The following RBPJ variants were observed in gnomAD, a reference collection of about 807,000 sequenced individuals.
RBPJ encodes recombination signal binding protein for immunoglobulin kappa J region, also known as recombining binding protein suppressor of hairless.
A neutral mutation model predicts 67.8 loss-of-function variants in RBPJ; 9 were observed. The ratio of observed to expected loss-of-function variants is 0.13; its 90% CI spans 0.08 to 0.23. RBPJ has a LOEUF of 0.23. Among genes scored for constraint, RBPJ ranks in the 10% least tolerant of loss-of-function variants. The pLI, the probability that RBPJ is intolerant of heterozygous loss-of-function variation, is 1.00. For synonymous variants in RBPJ, 198 were observed against 203.3 expected, an observed-to-expected ratio of 0.97 and a Z score of 0.22; for missense variants, 305 against 595.6, an observed-to-expected ratio of 0.51 and a Z score of 5.08.
chr4:26,361,026 A>G (rs577537259), intron 1 of RBPJ, among the ~76,000 whole-genome samples: 2 of 147,104 alleles, frequency 1.4e-5, no homozygotes, highest in East Asian at 2.0e-4. Context: ...GTAGGAAACA[A>G]TGTGATATCC....
upstream of RBPJ, among the ~76,000 whole-genome samples, chr4:26,161,249 A>G (rs986723847): frequency 6.6e-6 from 1 of 152,212 alleles, no homozygotes; most frequent in Admixed American, 6.5e-5. Context: ...TGGGGCAGAA[A>G]TGAGCCATCC....
intron 1 of RBPJ, among the ~76,000 whole-genome samples, chr4:26,184,237 T>TGGTGGACTATTCAA (rs1034226332): frequency 4.7e-5 from 7 of 147,676 alleles, no homozygotes; most frequent in Admixed American, 2.0e-4. Context: ...TAAAGACAAG[T>TGGTGGACTATTCAA]GGTGGACTAT....
At chr4:26,341,135 C>T (rs1725481855) in intron 1 of RBPJ, among the ~76,000 whole-genome samples, 1 of 152,056 alleles carries the variant, frequency 6.6e-6, no homozygotes, top group Non-Finnish European at 1.5e-5. Flanking sequence ...TGCTAAAACC[C>T]AGGGGCTACA....
Position 26,424,056 on chromosome 4 carries a change from TA to T in RBPJ, c.497-282del, listed in dbSNP as rs1735400922. Among the ~76,000 whole-genome samples the T allele has an allele frequency of 6.6e-6, 1 of 152,244 alleles. No individual in the cohort carries two copies. The highest frequency in any genetic ancestry group is 1.5e-5 in the Non-Finnish European group (1 of 68,040). ...AAATTTCTACTGTCTAACATTATTT[TA>T]AAAGTAAGTTTTTCTCTAATAATCA... On this transcript the variant is annotated intron_variant, in intron 5 of 10. Coordinates refer to ENST00000355476, the MANE Select transcript of RBPJ (RefSeq NM_015874.6). This position sits in a 1 kb window ranked among gnomAD's most constrained non-coding sequence, Gnocchi z 5.3.
At chr4:26,250,250 C>CT (rs1374375960) in intron 1 of RBPJ, among the ~76,000 whole-genome samples, 3 of 151,750 alleles carry the variant, frequency 2.0e-5, no homozygotes, top group African/African-American at 4.8e-5. Flanking sequence ...AACATTTGCC[C>CT]TTTTGTCTCT....
chr4:26,225,017 G>T (rs928282781), intron 1 of RBPJ, among the ~76,000 whole-genome samples: 1 of 152,194 alleles, frequency 6.6e-6, no homozygotes, highest in African/African-American at 2.4e-5. Context: ...AACCAGGGAG[G>T]CATAGAGCAA....
At chr4:26,387,572 C>T (rs766743073) in intron 2 of RBPJ, among the ~76,000 whole-genome samples, 9 of 152,054 alleles carry the variant, frequency 5.9e-5, no homozygotes, top group Non-Finnish European at 1.2e-4. Context: ...ATAAGTGATT[C>T]CTGAGAAACT....
At chr4:26,233,198 A>G (rs1719345388) in intron 1 of RBPJ, among the ~76,000 whole-genome samples, 1 of 152,230 alleles carries the variant, frequency 6.6e-6, no homozygotes, top group South Asian at 2.1e-4. Flanking sequence ...TCATTCATGA[A>G]TACATTTGAT....
intron 1 of RBPJ, among the ~76,000 whole-genome samples, chr4:26,240,489 A>G (rs1211871907): frequency 6.6e-6 from 1 of 152,202 alleles, no homozygotes; most frequent in Non-Finnish European, 1.5e-5. Flanking sequence ...ACAAAGTGCC[A>G]GATGTAGGAT....
chr4:26,321,047 G>C lies in RBPJ; in HGVS notation c.19G>C (p.Gly7Arg). 6.2e-7 allele frequency: 1 copy of C among 1,610,744 alleles called. No homozygotes were observed. The highest frequency in any genetic ancestry group is 8.5e-7 in the Non-Finnish European group (1 of 1,177,220). The change falls in exon 1 of 11, where the codon GGG (glycine) becomes CGG (arginine). Residue 7 changes from glycine (G) to arginine (R), a missense_variant and splice_region_variant. By Grantham distance (125) the Gly-to-Arg change is moderately radical. Transcript: ENST00000355476. ...GTGGAAGATGGCGCCTGTTGTGACA[G>C]GGTAAGTCTGAGGGAATCGGAGCGC... MAPVVT[G>R]KFGERPPPKR... is the part of the protein sequence containing the mutation.
chr4:26,305,771 C>CTTTTTTTTTTTTTTTTTTTT lies in RBPJ; in HGVS notation c.-166-56671_-166-56652dup, dbSNP rs71276617. Among the ~76,000 whole-genome samples the CTTTTTTTTTTTTTTTTTTTT allele has an allele frequency of 8.9e-5, 6 of 67,758 alleles. 1 individual carries two copies. Among genetic ancestry groups the CTTTTTTTTTTTTTTTTTTTT allele is most frequent in the East Asian group, 6.1e-4 (1 of 1,646 alleles). 44.5% of individuals were successfully genotyped at this position (67,758 alleles called of 152,430 possible). On this transcript the variant is annotated intron_variant, in intron 1 of 4. Coordinates refer to the RBPJ transcript ENST00000512351. ...AGTGGAGTTCTTAGAATTTTCTTTT[C>CTTTTTTTTTTTTTTTTTTTT]TTTTTTTTTTTTTTTTTTTTTTTCT...
At chr4:26,339,836 A>T (rs1047731256) in intron 1 of RBPJ, among the ~76,000 whole-genome samples, 1 of 152,200 alleles carries the variant, frequency 6.6e-6, no homozygotes, top group African/African-American at 2.4e-5. Context: ...CCTGGCCAAC[A>T]TGGTGAAACC....
intron 1 of RBPJ, among the ~76,000 whole-genome samples, chr4:26,265,880 T>G (rs1720689106): frequency 6.6e-6 from 1 of 151,894 alleles, no homozygotes; most frequent in African/African-American, 2.4e-5. Context: ...CTACTAAAAA[T>G]ACAAAAATTA....
At chr4:26,275,551 G>GA (rs1721051196) in intron 1 of RBPJ, among the ~76,000 whole-genome samples, 1 of 152,214 alleles carries the variant, frequency 6.6e-6, no homozygotes, top group Non-Finnish European at 1.5e-5. Flanking sequence ...AGTCGCCGGA[G>GA]AAAAACCATC....
chr4:26,380,942 T>C (rs977431131), intron 1 of RBPJ, among the ~76,000 whole-genome samples: 1 of 151,338 alleles, frequency 6.6e-6, no homozygotes, highest in Non-Finnish European at 1.5e-5. Context: ...AGCTTGTTTT[T>C]TCAGCCAGCT....
chr4:26,124,029 T>C, the RBPJ span, among the ~76,000 whole-genome samples: 1 of 152,206 alleles, frequency 6.6e-6, no homozygotes, highest in East Asian at 1.9e-4. Flanking sequence ...TCATGTTTTA[T>C]GTACTGTACA....
chr4:26,294,063 G>GTTGTTTTTGTTT (rs145910389), intron 1 of RBPJ, among the ~76,000 whole-genome samples: 12 of 147,598 alleles, frequency 8.1e-5, no homozygotes, highest in Non-Finnish European at 1.3e-4. Flanking sequence ...CGGCCAGGAA[G>GTTGTTTTTGTTT]TTGTTTTTGT....
chr4:26,268,579 G>C (rs1223058523), intron 1 of RBPJ, among the ~76,000 whole-genome samples: 2 of 152,030 alleles, frequency 1.3e-5, no homozygotes, highest in African/African-American at 4.8e-5. Context: ...CGCATTATTT[G>C]CTCCTTCAGC....
intron 1 of RBPJ, among the ~76,000 whole-genome samples, chr4:26,182,321 A>G (rs1292740209): frequency 7.9e-5 from 12 of 152,170 alleles, no homozygotes; most frequent in South Asian, 4.2e-4. Flanking sequence ...CAGCCTGGGC[A>G]AAAGAGCAAG....
Sources: gnomAD v4.1 joint callset for allele counts (sites outside exome capture counted in the v4.1 genomes callset) on GRCh38, gnomAD v4.1.1 for gene constraint, Gnocchi (gnomAD v3.1) non-coding constraint, MANE v1.5 for transcripts, NCBI Gene and HGNC (gene_info 2026-07-23, HGNC 2026-07-21) for gene names.